DOCK1: variants seen among roughly 807,000 people sequenced by gnomAD.
The protein encoded by DOCK1 is dedicator of cytokinesis 1.
Under a neutral mutation model 262.7 loss-of-function variants are expected in DOCK1, and 138 were observed. The observed-to-expected ratio is 0.53, with a 90% CI of 0.46 to 0.61. The LOEUF is 0.61. Among genes scored for constraint, DOCK1 ranks in the 20% least tolerant of loss-of-function variants. The pLI is 0.00. For synonymous variants in DOCK1, 866 were observed against 867.4 expected, an observed-to-expected ratio of 1.00 and a Z score of 0.03; for missense variants, 1,908 against 2,370.7, an observed-to-expected ratio of 0.80 and a Z score of 4.05.
At chr10:126,936,885 C>T (rs2034592039) in intron 1 of DOCK1, among the ~76,000 whole-genome samples, 1 of 152,184 alleles carries the variant, frequency 6.6e-6, no homozygotes, top group Non-Finnish European at 1.5e-5. Context: ...CAGCACCATT[C>T]GTCACCGGAA....
chr10:126,935,234 T>A (rs1412566249), intron 1 of DOCK1, among the ~76,000 whole-genome samples: 6 of 152,260 alleles, frequency 3.9e-5, no homozygotes, highest in Non-Finnish European at 7.3e-5. Context: ...TCCGTGAAGT[T>A]GGAAGAACAG....
At chr10:127,417,303 C>T (rs1273880603) in intron 44 of DOCK1, among the ~76,000 whole-genome samples, 1 of 152,188 alleles carries the variant, frequency 6.6e-6, no homozygotes, top group Non-Finnish European at 1.5e-5. Context: ...TGGTCCCTGC[C>T]TTAGACCCAG....
chr10:127,203,661 T>C (rs886129386), intron 27 of DOCK1, among the ~76,000 whole-genome samples: 105 of 141,580 alleles, frequency 7.4e-4, no homozygotes, highest in Non-Finnish European at 1.4e-3. Context: ...TTTTTTTTTT[T>C]CATATTATTG....
chr10:127,146,637 C>T (rs2051882453), intron 27 of DOCK1, among the ~76,000 whole-genome samples: 1 of 152,154 alleles, frequency 6.6e-6, no homozygotes, highest in Non-Finnish European at 1.5e-5. Flanking sequence ...ACCATAAATA[C>T]TAAGAACAGA....
chr10:127,369,727 A>G (rs2065109073), intron 33 of DOCK1, among the ~76,000 whole-genome samples: 1 of 152,236 alleles, frequency 6.6e-6, no homozygotes, highest in Non-Finnish European at 1.5e-5. Context: ...AGGAGCTCCA[A>G]GGTCAGCAAG....
At position 126,931,283 on chromosome 10, in the gene DOCK1, A is replaced by G. The variant is rs1000177382; in HGVS notation, c.46+25720A>G. Among the ~76,000 whole-genome samples, 6 of 152,102 alleles carry G rather than the reference A, an allele frequency of 3.9e-5. 1 individual carries two copies. The highest frequency in any genetic ancestry group is 1.4e-4 in the African/African-American group (6 of 41,454). Reference sequence around the variant, plus strand: ...TCCAGACGGGATACTTTCACTTTCTATAAAATTAAAATGAATACCATTCCA... The same window carrying G: ...TCCAGACGGGATACTTTCACTTTCTGTAAAATTAAAATGAATACCATTCCA... On this transcript the variant is annotated intron_variant, in intron 1 of 51. Transcript: ENST00000623213.
intron 27 of DOCK1, among the ~76,000 whole-genome samples, chr10:127,246,099 C>A (rs2040104): frequency 0.025 from 3,808 of 152,202 alleles, 131 homozygotes; most frequent in African/African-American, 0.082. Flanking sequence ...TGACTGCAAG[C>A]GTAGAGGAAA....
intron 21 of DOCK1, among the ~76,000 whole-genome samples, chr10:127,051,227 T>C (rs2044702659): frequency 6.6e-6 from 1 of 152,024 alleles, no homozygotes; most frequent in East Asian, 1.9e-4. Flanking sequence ...ATAAACAGAC[T>C]AAGAGTATAG....
At chr10:127,242,020 G>C (rs1410365077) in intron 27 of DOCK1, among the ~76,000 whole-genome samples, 1 of 152,164 alleles carries the variant, frequency 6.6e-6, no homozygotes, top group East Asian at 1.9e-4. Context: ...TTTTGCACCA[G>C]GGATTCACAG....
In DOCK1 at chr10:127,384,877, C is replaced by T; in HGVS notation, c.3895C>T (p.Gln1299Ter). 6.2e-7 allele frequency: 1 copy of T among 1,605,050 alleles called. No individual in the cohort carries two copies. Among genetic ancestry groups the T allele is most frequent in the Non-Finnish European group, 8.5e-7 (1 of 1,177,370 alleles). ...GGGACAGCTGAAGGAGCAGCTCTACCAGGAAATCATCCACTACTTCGACAA... is the reference window on the plus strand; with the variant it reads ...GGGACAGCTGAAGGAGCAGCTCTACTAGGAAATCATCCACTACTTCGACAA... Reference protein sequence around the residue: ...TQGQLKEQLYQEIIHYFDKGK... With the variant: ...TQGQLKEQLY Residue 1299 changes from glutamine to a stop codon, truncating the protein, a stop_gained, in exon 38 of 52, where the codon CAG becomes TAG. Coordinates refer to ENST00000623213, the MANE Select transcript of DOCK1 (RefSeq NM_001290223.2). LOFTEE classifies it high-confidence loss of function.
At chr10:126,960,523 C>G (rs1247615390) in intron 1 of DOCK1, among the ~76,000 whole-genome samples, 2 of 150,812 alleles carry the variant, frequency 1.3e-5, no homozygotes, top group African/African-American at 2.4e-5. Flanking sequence ...GGGTTTCATC[C>G]AGAGGTGATG....
At chr10:127,419,821 C>A (rs2068391912) in intron 46 of DOCK1, 72 bp downstream of exon 46, 9 of 1,469,732 alleles carry the variant, frequency 6.1e-6, no homozygotes, top group Non-Finnish European at 8.3e-6. Context: ...TCAGCACACA[C>A]ACCAGCCAGC....
chr10:127,070,656 G>A (rs984681260), intron 23 of DOCK1, among the ~76,000 whole-genome samples: 3 of 151,762 alleles, frequency 2.0e-5, no homozygotes, highest in Admixed American at 2.0e-4. Flanking sequence ...GGACTGGAGA[G>A]GAAGTGGGTC....
intron 3 of DOCK1, among the ~76,000 whole-genome samples, chr10:126,978,996 G>A (rs141495764): frequency 2.0e-5 from 3 of 152,296 alleles, no homozygotes; most frequent in Non-Finnish European, 4.4e-5. Flanking sequence ...CTCTGGCACA[G>A]TCATGTCTAA....
At chr10:127,429,069 G>A (rs1346088781) in intron 47 of DOCK1, among the ~76,000 whole-genome samples, 1 of 149,134 alleles carries the variant, frequency 6.7e-6, no homozygotes, top group Non-Finnish European at 1.5e-5. Context: ...GTGTGGATTG[G>A]GGTACCATGT....
At chr10:126,980,249 T>C (rs149671398) in intron 3 of DOCK1, among the ~76,000 whole-genome samples, 2 of 152,188 alleles carry the variant, frequency 1.3e-5, no homozygotes, top group African/African-American at 4.8e-5. Flanking sequence ...CTGAGTGCGG[T>C]GGCACGATCA....
At chr10:126,923,417 A>C (rs989725559) in intron 1 of DOCK1, among the ~76,000 whole-genome samples, 18 of 152,236 alleles carry the variant, frequency 1.2e-4, no homozygotes, top group Admixed American at 1.0e-3. Flanking sequence ...TGAGGTGAGG[A>C]GTTTGAGACC....
At chr10:127,026,476 G>C (rs368877402) in intron 16 of DOCK1, 52 bp downstream of exon 16, 1 of 1,528,412 alleles carries the variant, frequency 6.5e-7, no homozygotes, top group Non-Finnish European at 8.9e-7. Flanking sequence ...GAGAACTGGG[G>C]GAAAGCGCGA....
intron 23 of DOCK1, among the ~76,000 whole-genome samples, chr10:127,083,051 C>A (rs1358731835): frequency 6.6e-6 from 1 of 152,202 alleles, no homozygotes; most frequent in African/African-American, 2.4e-5. Flanking sequence ...GGTGGCCTGT[C>A]CTCTGTGCCA....
Sources: allele counts gnomAD v4.1 joint callset (sites outside exome capture counted in the v4.1 genomes callset), GRCh38; gene constraint gnomAD v4.1.1; transcripts MANE v1.5; gene names NCBI Gene and HGNC (gene_info 2026-07-23, HGNC 2026-07-21).